BCORL1: variants seen among roughly 807,000 people sequenced by gnomAD.
BCORL1 encodes BCL6 corepressor like 1.
A neutral mutation model predicts 87.6 loss-of-function variants in BCORL1; 7 were observed. The observed-to-expected ratio is 0.08, with a 90% CI of 0.05 to 0.15. The LOEUF is 0.15. Among genes scored for constraint, BCORL1 ranks in the 10% least tolerant of loss-of-function variants. The pLI, the probability that BCORL1 is intolerant of heterozygous loss-of-function variation, is 1.00. For missense variants in BCORL1, 1,215 were observed against 1,499.7 expected, an observed-to-expected ratio of 0.81 and a Z score of 3.13; for synonymous variants, 591 against 634.4, an observed-to-expected ratio of 0.93 and a Z score of 1.03.
chrX:130,023,627 C>G (rs997821249), intron 6 of BCORL1, among the ~76,000 whole-genome samples: 42 of 112,144 alleles, frequency 3.7e-4, no homozygotes, highest in Non-Finnish European at 2.6e-4. Flanking sequence ...ATTCTAGTAA[C>G]CGGCACCTTA....
In BCORL1 at chrX:130,054,634, G is replaced by A. The variant is rs182663970; in HGVS notation, c.5076-1220G>A. The stretch of plus-strand genomic sequence containing the variant: ...CTCATATAATATCATGCTAGTGGCC[G>A]GGCATGGTGGCTCACACCTGTAATC... On this transcript the variant is annotated intron_variant, in intron 13 of 13. Transcript: ENST00000540052. Among the ~76,000 whole-genome samples the A allele has an allele frequency of 9.8e-4, 109 of 111,101 alleles. 4 individuals carry two copies. The East Asian group carries it at 0.029, about 29-fold the overall frequency.
chrX:130,035,419 TC>T (rs2124525206), intron 9 of BCORL1, among the ~76,000 whole-genome samples: 1 of 112,426 alleles, frequency 8.9e-6, no homozygotes, highest in South Asian at 3.7e-4. Flanking sequence ...TTTCCATTGT[TC>T]CCCACTTTTT....
chrX:130,038,808 T>C (rs1931121846), intron 10 of BCORL1, among the ~76,000 whole-genome samples: 1 of 111,456 alleles, frequency 9.0e-6, no homozygotes. Context: ...AACTTTATTG[T>C]AGGTCAGGGA....
At chrX:130,036,030 C>T (rs747653576) in intron 9 of BCORL1, among the ~76,000 whole-genome samples, 1 of 112,805 alleles carries the variant, frequency 8.9e-6, no homozygotes, top group East Asian at 2.8e-4. Flanking sequence ...TGGCCCATCT[C>T]CCCAGTGCCC....
At chrX:130,016,627 C>G (rs1929467476) in intron 4 of BCORL1, among the ~76,000 whole-genome samples, 1 of 112,076 alleles carries the variant, frequency 8.9e-6, no homozygotes, top group Non-Finnish European at 1.9e-5. Context: ...ATGGGGAGAG[C>G]AGGGGCCTCT....
At chrX:130,046,551 AT>A (rs1175489192) in intron 11 of BCORL1, among the ~76,000 whole-genome samples, 175 of 95,585 alleles carry the variant, frequency 1.8e-3, no homozygotes, top group Non-Finnish European at 2.6e-3. Context: ...TGCTCAGCTA[AT>A]TTTTTTTTTT....
chrX:130,013,272 G>T lies in BCORL1; in HGVS notation c.500G>T (p.Gly167Val). Residue 167 changes from glycine to valine, a missense_variant, in exon 4 of 14, where the codon GGT (glycine) becomes GTT (valine). By Grantham distance (109) the Gly-to-Val change is moderately radical. Around this residue, in one of 5 missense-constraint regions of BCORL1, gnomAD observed 861 missense variants for 1,010.0 expected, o/e 0.85. Coordinates refer to ENST00000540052, the MANE Select transcript of BCORL1 (RefSeq NM_001379451.1). Reference protein sequence around the residue: ...AGVKALDSRQGVGEKNTFILA... With the variant: ...AGVKALDSRQVVGEKNTFILA... ...GTAAAGGCTTTGGACTCTCGGCAAG[G>T]TGTTGGAGAGAAGAATACTTTCATT... 9 of 1,211,966 alleles carry T rather than the reference G, an allele frequency of 7.4e-6. No homozygotes were observed. The highest frequency in any genetic ancestry group is 1.0e-5 in the Non-Finnish European group (9 of 895,524).
intron 1 of BCORL1, among the ~76,000 whole-genome samples, chrX:129,999,694 C>T (rs767218906): frequency 9.8e-6 from 1 of 102,550 alleles, no homozygotes; most frequent in Non-Finnish European, 2.0e-5. Context: ...TCCCCCCCCC[C>T]AGACAGAGTC....
intron 13 of BCORL1, among the ~76,000 whole-genome samples, chrX:130,054,903 A>C (rs1006459199): frequency 1.8e-5 from 2 of 110,863 alleles, no homozygotes; most frequent in African/African-American, 6.6e-5. Context: ...CCGTCTTGGA[A>C]AAAGAAAAAA....
chrX:130,019,267 G>A (rs1929642708), intron 4 of BCORL1, among the ~76,000 whole-genome samples: 1 of 112,363 alleles, frequency 8.9e-6, no homozygotes, highest in South Asian at 3.7e-4. Flanking sequence ...CGCCCTGCTA[G>A]ATGTTCTGTT....
At chrX:129,990,172 A>G (rs1288618277) in intron 1 of BCORL1, among the ~76,000 whole-genome samples, 1 of 112,046 alleles carries the variant, frequency 8.9e-6, no homozygotes, top group Non-Finnish European at 1.9e-5. Flanking sequence ...ATTACACAAA[A>G]TCATCCCAGG....
chrX:130,051,615 G>A (rs1932075327), intron 12 of BCORL1, among the ~76,000 whole-genome samples: 1 of 112,401 alleles, frequency 8.9e-6, no homozygotes, highest in African/African-American at 3.2e-5. Flanking sequence ...GCCAGTTGGA[G>A]GGGGGAGTGA....
chrX:130,013,092 A>G lies in BCORL1; in HGVS notation c.320A>G (p.Glu107Gly), dbSNP rs1929099937. 1 of 1,208,900 alleles carries G rather than the reference A, an allele frequency of 8.3e-7. No homozygotes were observed. Among genetic ancestry groups the G allele is most frequent in the Non-Finnish European group, 1.1e-6 (1 of 893,900 alleles). Residue 107 changes from glutamate to glycine, a missense_variant, in exon 4 of 14, where the codon GAG becomes GGG. By Grantham distance (98) the Glu-to-Gly change is moderately conservative. Transcript: ENST00000540052. ...PKMDYAGNVA[E>G]AEGLLVPLSS... ...ATGGACTACGCTGGGAACGTGGCAG[A>G]GGCTGAGGGCCTCTTGGTGCCCCTG...
At chrX:130,005,904 G>T (rs1417298931) in intron 2 of BCORL1, among the ~76,000 whole-genome samples, 2 of 111,134 alleles carry the variant, frequency 1.8e-5, no homozygotes, top group Non-Finnish European at 3.8e-5. Flanking sequence ...GGGATTACAG[G>T]TGTGAGCCAC....
At chrX:130,004,300 G>A (rs1411882354) in intron 1 of BCORL1, among the ~76,000 whole-genome samples, 1 of 100,827 alleles carries the variant, frequency 9.9e-6, no homozygotes, top group Non-Finnish European at 2.0e-5. Context: ...GCTGGAGTGC[G>A]CTGGCATGAT....
At chrX:130,053,623 C>CG (rs778486806) in intron 13 of BCORL1, among the ~76,000 whole-genome samples, 122 of 111,698 alleles carry the variant, frequency 1.1e-3, no homozygotes, top group African/African-American at 3.7e-3. Flanking sequence ...GCCCAGAGCC[C>CG]GGTACCAGCA....
chrX:130,024,255 C>A (rs544587887), intron 6 of BCORL1, among the ~76,000 whole-genome samples: 1 of 110,599 alleles, frequency 9.0e-6, no homozygotes, highest in African/African-American at 3.3e-5. Context: ...GCTTGCCCAG[C>A]GGTGAGGAAC....
chrX:130,043,781 TA>T (rs1474703230), intron 11 of BCORL1, among the ~76,000 whole-genome samples: 51 of 24,202 alleles, frequency 2.1e-3, no homozygotes, highest in African/African-American at 0.013. Flanking sequence ...TATATATATA[TA>T]TATTTTTTTT....
chrX:129,980,452 G>A (rs1926020607), upstream of BCORL1, among the ~76,000 whole-genome samples: 1 of 112,345 alleles, frequency 8.9e-6, no homozygotes, highest in Non-Finnish European at 1.9e-5. Flanking sequence ...CGGGGGCGGG[G>A]GGAGGATAAA....
Sources: allele counts gnomAD v4.1 joint callset (sites outside exome capture counted in the v4.1 genomes callset), GRCh38; gene constraint gnomAD v4.1.1; regional missense constraint gnomAD v4.1.1; transcripts MANE v1.5; gene names NCBI Gene and HGNC (gene_info 2026-07-23, HGNC 2026-07-21).